ALAD: variants seen among roughly 807,000 people sequenced by gnomAD.
ALAD encodes the protein aminolevulinate dehydratase.
A neutral mutation model predicts 44.4 loss-of-function variants in ALAD; 20 were observed. That is an observed-to-expected ratio of 0.45 (90% confidence interval 0.32 to 0.65). The LOEUF is 0.65. ALAD is among the 30% of genes least tolerant of loss of function. The pLI, the probability that ALAD is intolerant of heterozygous loss-of-function variation, is 0.05. For missense variants in ALAD, 323 were observed against 445.7 expected, an observed-to-expected ratio of 0.72 and a Z score of 2.48; for synonymous variants, 156 against 167.9, an observed-to-expected ratio of 0.93 and a Z score of 0.55.
chr9:113,401,242 C>T lies in ALAD; in HGVS notation c.-106G>A, dbSNP rs1827846198. Reference sequence around the variant, plus strand: ...TCCCTAAGGGCTCCCGGCCGCTGCTCCTGTCACCGCTGTCTCCCGCTCCGG... The same window carrying T: ...TCCCTAAGGGCTCCCGGCCGCTGCTTCTGTCACCGCTGTCTCCCGCTCCGG... On this transcript the variant is annotated 5_prime_UTR_variant, in exon 1 of 12. Coordinates refer to ENST00000409155, the MANE Select transcript of ALAD (RefSeq NM_000031.6). 1 of 152,846 alleles carries T rather than the reference C, an allele frequency of 6.5e-6. No homozygotes were observed. Among genetic ancestry groups the T allele is most frequent in the African/African-American group, 2.4e-5 (1 of 41,458 alleles). 9.5% of individuals were successfully genotyped at this position (152,846 alleles called of 1,614,324 possible). A position where few individuals can be genotyped will look rare whatever the true frequency, so the allele number is the denominator to read the frequency against.
At chr9:113,392,715 T>C (rs1827624435) in intron 2 of ALAD, among the ~76,000 whole-genome samples, 1 of 152,130 alleles carries the variant, frequency 6.6e-6, no homozygotes, top group Non-Finnish European at 1.5e-5. Context: ...GCTCTCAGAA[T>C]TGAATGAGAT....
intron 4 of ALAD, among the ~76,000 whole-genome samples, 198 bp downstream of exon 4, chr9:113,391,329 C>G (rs199501308): frequency 6.6e-6 from 1 of 152,132 alleles, no homozygotes; most frequent in Admixed American, 6.5e-5. Flanking sequence ...CTCCACCTCC[C>G]GAGTAGCTGG....
chr9:113,391,448 C>A (rs1827581907), intron 4 of ALAD, 79 bp downstream of exon 4: 1 of 1,246,486 alleles, frequency 8.0e-7, no homozygotes, highest in African/African-American at 1.5e-5. Flanking sequence ...AAGTGATCCA[C>A]CCACTTTGGC....
intron 2 of ALAD, among the ~76,000 whole-genome samples, chr9:113,392,911 G>A (rs927762498): frequency 4.2e-5 from 6 of 141,552 alleles, no homozygotes; most frequent in Admixed American, 7.9e-5. Context: ...TCCGCCTCCC[G>A]GGTTCACGCC....
intron 6 of ALAD, 48 bp from the exon 7 acceptor site, chr9:113,390,541 C>G (rs1052797795): frequency 6.2e-7 from 1 of 1,613,912 alleles, no homozygotes; most frequent in African/African-American, 1.3e-5. Context: ...CTCCTAGCCA[C>G]TCTGCCACCT....
At position 113,390,500 on chromosome 9, in the gene ALAD, G is replaced by A; in HGVS notation, c.482-7C>T. ...GGGGCTACCACCTGACATCCTGGGG[G>A]GCAGAGGGTGGCCTTCAGAACTCTG... On this transcript the variant is annotated splice_polypyrimidine_tract_variant and splice_region_variant and intron_variant, in intron 6 of 11. Coordinates refer to ENST00000409155, the MANE Select transcript of ALAD (RefSeq NM_000031.6). 6.2e-7 allele frequency: 1 copy of A among 1,614,080 alleles called. No homozygotes were observed. Among genetic ancestry groups the A allele is most frequent in the Non-Finnish European group, 8.5e-7 (1 of 1,180,032 alleles).
chr9:113,394,984 G>A (rs1380607949), intron 1 of ALAD, among the ~76,000 whole-genome samples: 2 of 152,054 alleles, frequency 1.3e-5, no homozygotes, highest in Admixed American at 6.5e-5. Flanking sequence ...GAATCCAGGA[G>A]GAGGAGGTTG....
At chr9:113,392,357 CA>C in intron 2 of ALAD, 188 bp from the exon 3 acceptor site, 8 of 1,482,860 alleles carry the variant, frequency 5.4e-6, no homozygotes, top group Non-Finnish European at 7.2e-6. Flanking sequence ...ATAGGAACAA[CA>C]AGAATAACAG....
intron 1 of ALAD, among the ~76,000 whole-genome samples, chr9:113,395,801 T>C (rs1827710879): frequency 6.6e-6 from 1 of 152,216 alleles, no homozygotes; most frequent in African/African-American, 2.4e-5. Flanking sequence ...CTCACACCTG[T>C]AACCCCAGCA....
At chr9:113,395,076 AAAGAG>A (rs373835667) in intron 1 of ALAD, among the ~76,000 whole-genome samples, 14 of 152,276 alleles carry the variant, frequency 9.2e-5, no homozygotes, top group African/African-American at 2.9e-4. Flanking sequence ...GAAAGAAAGA[AAAGAG>A]AAAAGTACTT....
chr9:113,387,623 G>GT lies in ALAD; in HGVS notation c.*676dup, dbSNP rs532401659. The GT allele has an allele frequency of 1.5e-4, 24 of 158,350 alleles. No homozygotes were observed. In the South Asian group the frequency reaches 4.4e-3, roughly 29 times the overall value. The allele number at this position is 158,350 out of a possible 1,614,324, so 9.8% of individuals were successfully genotyped here. On this transcript the variant is annotated 3_prime_UTR_variant, in exon 12 of 12. Transcript: ENST00000409155. ...GGAACAGAGCAGAGATTCTCAAAAA[G>GT]TATCTCCTGAATAAAAAGTGTTTGT... is the stretch of plus-strand genomic sequence containing the variant.
chr9:113,394,622 T>C (rs1403907085), intron 1 of ALAD, among the ~76,000 whole-genome samples: 2 of 152,188 alleles, frequency 1.3e-5, no homozygotes, highest in African/African-American at 2.4e-5. Flanking sequence ...TCCTTCCTTA[T>C]GCATAAAGAA....
intron 1 of ALAD, among the ~76,000 whole-genome samples, chr9:113,400,753 C>A (rs539519296): frequency 6.6e-6 from 1 of 152,214 alleles, no homozygotes; most frequent in Admixed American, 6.5e-5. Context: ...ACCCGGGAGG[C>A]GGAGGTTGCA....
chr9:113,392,300 C>A, intron 2 of ALAD, 131 bp from the exon 3 acceptor site: 1 of 1,575,154 alleles, frequency 6.3e-7, no homozygotes. Flanking sequence ...GGATGGGATC[C>A]AGTGTCTGGC....
rs1454402752 is a variant in ALAD at position 113,390,887 on chromosome 9, T to C, written c.308A>G (p.Glu103Gly). The C allele has an allele frequency of 1.2e-6, 2 of 1,613,992 alleles. No individual in the cohort carries two copies. The highest frequency in any genetic ancestry group is 4.5e-5 in the East Asian group (2 of 44,882). ...GGTCTTCCTCAACAGATGGATTGCC[T>C]CAATAGCTGGGGACTCCTCGGAGTC... ...AADSEESPAI[E>G]AIHLLRKTFP... is the part of the protein sequence containing the mutation. Residue 103 changes from glutamate to glycine, a missense_variant, in exon 5 of 12, where the codon GAG becomes GGG. Transcript: ENST00000409155.
At chr9:113,390,706 G>T (rs1186415058) in intron 5 of ALAD, 30 bp from the exon 6 acceptor site, 1 of 1,608,958 alleles carries the variant, frequency 6.2e-7, no homozygotes, top group South Asian at 1.1e-5. Flanking sequence ...GTTTTGGGGA[G>T]CACCTTGGGC....
At chr9:113,391,976 C>T in intron 3 of ALAD, 143 bp downstream of exon 3, 1 of 879,340 alleles carries the variant, frequency 1.1e-6, no homozygotes, top group Non-Finnish European at 1.8e-6. Flanking sequence ...AGCTCTGGCC[C>T]CGGGGAAACC....
intron 2 of ALAD, among the ~76,000 whole-genome samples, chr9:113,392,757 T>G (rs1355718022): frequency 1.2e-4 from 18 of 151,844 alleles, no homozygotes; most frequent in Admixed American, 1.2e-3. Context: ...TAGTACCTGG[T>G]AGATAGTAAG....
chr9:113,400,554 G>C (rs1415974066), intron 1 of ALAD, among the ~76,000 whole-genome samples: 1 of 152,234 alleles, frequency 6.6e-6, no homozygotes, highest in South Asian at 2.1e-4. Context: ...CGGGCGTGGT[G>C]GCTCACGCCT....
Sources: allele counts gnomAD v4.1 joint callset (sites outside exome capture counted in the v4.1 genomes callset), GRCh38; gene constraint gnomAD v4.1.1; transcripts MANE v1.5; gene names NCBI Gene and HGNC (gene_info 2026-07-23, HGNC 2026-07-21).